CALN1: variants seen among roughly 807,000 people sequenced by gnomAD.
CALN1 encodes the protein calcium-binding protein 8.
In CALN1, 17 loss-of-function variants were observed where a neutral mutation model predicts 30.6. That is an observed-to-expected ratio of 0.56 (90% CI 0.38 to 0.83). The LOEUF (loss-of-function observed/expected upper bound fraction) is 0.83, where lower values mean the gene tolerates loss of function less well. Ranked by LOEUF, CALN1 falls within the 40% of genes least tolerant of loss-of-function variation. CALN1 has a pLI of 0.00. For synonymous variants in CALN1, 156 were observed against 131.4 expected (o/e 1.19, Z -1.28); for missense variants, 291 against 354.9 (o/e 0.82, Z 1.45).
chr7:72,214,271 G>C (rs1238753992), intron 3 of CALN1, among the ~76,000 whole-genome samples: 1 of 152,226 alleles, frequency 6.6e-6, no homozygotes, highest in Non-Finnish European at 1.5e-5. Flanking sequence ...CCTGAGGTCA[G>C]GAGTTTGACA....
chr7:72,446,297 C>A (rs1015194017), intron 1 of CALN1, among the ~76,000 whole-genome samples: 5 of 152,220 alleles, frequency 3.3e-5, no homozygotes, highest in African/African-American at 1.2e-4. Flanking sequence ...ACAATTTACA[C>A]AATGCAATGT....
At chr7:72,303,079 C>G (rs1799403906) in intron 2 of CALN1, among the ~76,000 whole-genome samples, 1 of 135,166 alleles carries the variant, frequency 7.4e-6, no homozygotes, top group Non-Finnish European at 1.6e-5. Flanking sequence ...GACCCTGTCT[C>G]AAAAAAAAAA....
At chr7:72,097,665 T>A (rs971468379) in intron 4 of CALN1, among the ~76,000 whole-genome samples, 1 of 149,548 alleles carries the variant, frequency 6.7e-6, no homozygotes, top group Non-Finnish European at 1.5e-5. Flanking sequence ...AAAAAAAAAA[T>A]TAAACAGAAT....
intron 3 of CALN1, among the ~76,000 whole-genome samples, chr7:72,109,818 G>A (rs1215005091): frequency 6.6e-6 from 1 of 152,194 alleles, no homozygotes; most frequent in Admixed American, 6.5e-5. Flanking sequence ...AGCGCCAAGC[G>A]CCAGCTCTGC....
At chr7:72,455,378 T>C in the CALN1 span, among the ~76,000 whole-genome samples, 1 of 151,476 alleles carries the variant, frequency 6.6e-6, no homozygotes, top group Non-Finnish European at 1.5e-5. Flanking sequence ...TAGGTGTGTA[T>C]ATATAATACA....
intron 4 of CALN1, among the ~76,000 whole-genome samples, chr7:72,064,220 T>TGC (rs1803862958): frequency 6.6e-6 from 1 of 151,376 alleles, no homozygotes; most frequent in African/African-American, 2.4e-5. Flanking sequence ...AGGCAGAGGT[T>TGC]GCAGTGAGCT....
At chr7:72,474,357 A>G in the CALN1 span, among the ~76,000 whole-genome samples, 1 of 152,146 alleles carries the variant, frequency 6.6e-6, no homozygotes, top group Non-Finnish European at 1.5e-5. Flanking sequence ...TCTCAAGGAA[A>G]TGTCACTAAG....
At chr7:72,383,977 C>G (rs1805060763) in intron 2 of CALN1, among the ~76,000 whole-genome samples, 1 of 152,202 alleles carries the variant, frequency 6.6e-6, no homozygotes, top group African/African-American at 2.4e-5. Context: ...ATAAATCATT[C>G]TACTATAAAG....
chr7:72,484,959 C>T, the CALN1 span, among the ~76,000 whole-genome samples: 1 of 151,818 alleles, frequency 6.6e-6, no homozygotes, highest in Non-Finnish European at 1.5e-5. Context: ...GTTCTTTTAC[C>T]TTGACTAAAA....
chr7:72,118,578 C>G (rs1808158996), intron 3 of CALN1, among the ~76,000 whole-genome samples: 2 of 152,156 alleles, frequency 1.3e-5, no homozygotes, highest in African/African-American at 4.8e-5. Context: ...ATGGAAAATT[C>G]CTCAACAGTG....
At chr7:72,305,288 C>A (rs866517683) in intron 2 of CALN1, among the ~76,000 whole-genome samples, 1 of 152,206 alleles carries the variant, frequency 6.6e-6, no homozygotes, top group Non-Finnish European at 1.5e-5. Flanking sequence ...CGCTGGCCTG[C>A]CGACAGGAAT....
chr7:72,230,333 A>G, intron 3 of CALN1, among the ~76,000 whole-genome samples: 1 of 91,790 alleles, frequency 1.1e-5, no homozygotes, highest in Non-Finnish European at 2.1e-5. Context: ...CTGTCTCTAC[A>G]ATAGATACTA....
intron 3 of CALN1, among the ~76,000 whole-genome samples, chr7:72,240,059 C>T (rs764519466): frequency 6.6e-6 from 1 of 152,158 alleles, no homozygotes; most frequent in African/African-American, 2.4e-5. Flanking sequence ...TGGAGAGAAT[C>T]CTAGCCTCAA....
At chr7:72,281,369 T>C (rs1052045122) in intron 2 of CALN1, among the ~76,000 whole-genome samples, 1 of 152,160 alleles carries the variant, frequency 6.6e-6, no homozygotes, top group African/African-American at 2.4e-5. Context: ...CAAAACAGAC[T>C]GAGACATCCA....
intron 2 of CALN1, among the ~76,000 whole-genome samples, chr7:72,388,229 A>C (rs555010060): frequency 6.6e-6 from 1 of 152,170 alleles, no homozygotes; most frequent in African/African-American, 2.4e-5. Flanking sequence ...TAACCCATAA[A>C]TATGAGTTAT....
At position 72,143,742 on chromosome 7, in the gene CALN1, A is replaced by T. The variant is rs553686535; in HGVS notation, c.245-37448T>A. On this transcript the variant is annotated intron_variant, in intron 3 of 6. Transcript: ENST00000395275. ...GCCAGAGAGAAAGGTCGGGTTACCC[A>T]CAAAGGGAAGCCCATCAGACTAACA... is the stretch of plus-strand genomic sequence containing the variant. Among the ~76,000 whole-genome samples, 1,273 of 152,320 alleles carry T rather than the reference A, an allele frequency of 8.4e-3. 13 individuals are homozygous for T. The highest frequency in any genetic ancestry group is 0.029 in the African/African-American group (1,210 of 41,568).
At position 71,921,882 on chromosome 7, in the gene CALN1, T is replaced by C. The variant is rs113196232; in HGVS notation, c.501+101775A>G. 8.6e-3 allele frequency among the ~76,000 whole-genome samples: 1,239 copies of C among 144,120 alleles called. 16 individuals carry two copies. The highest frequency in any genetic ancestry group is 0.03 in the African/African-American group (1,155 of 38,860). 94.5% of individuals were successfully genotyped at this position (144,120 alleles called of 152,430 possible). Reference sequence around the variant, plus strand: ...GACACATCCTGGCCAACTCAACTCATCCATTATTTTCTTCAAAAAGTTGTC... The same window carrying C: ...GACACATCCTGGCCAACTCAACTCACCCATTATTTTCTTCAAAAAGTTGTC... On this transcript the variant is annotated intron_variant, in intron 5 of 6. Transcript: ENST00000395275.
intron 3 of CALN1, among the ~76,000 whole-genome samples, chr7:72,170,188 G>C (rs1340427072): frequency 3.9e-5 from 6 of 152,022 alleles, no homozygotes; most frequent in Non-Finnish European, 8.8e-5. Context: ...TTACTATGTT[G>C]TCCAGGCTGA....
At chr7:71,996,368 A>T (rs1799252914) in intron 5 of CALN1, among the ~76,000 whole-genome samples, 1 of 152,206 alleles carries the variant, frequency 6.6e-6, no homozygotes, top group Non-Finnish European at 1.5e-5. Context: ...CAGACATTGA[A>T]ATCATCCACA....
Sources: allele counts gnomAD v4.1 joint callset (sites outside exome capture counted in the v4.1 genomes callset), GRCh38; gene constraint gnomAD v4.1.1; transcripts MANE v1.5; gene names NCBI Gene and HGNC (gene_info 2026-07-23, HGNC 2026-07-21).